ACOX1: variants seen among roughly 807,000 people sequenced by gnomAD.
ACOX1 encodes the protein peroxisomal acyl-coenzyme A oxidase 1.
In ACOX1, 41 loss-of-function variants were observed where a neutral mutation model predicts 75.5. The observed-to-expected ratio is 0.54, with a 90% confidence interval of 0.42 to 0.70. ACOX1 has a LOEUF of 0.70. Among genes scored for constraint, ACOX1 ranks in the 30% least tolerant of loss-of-function variants. ACOX1 has a pLI of 0.00. For synonymous variants in ACOX1, 303 were observed against 298.8 expected, an observed-to-expected ratio of 1.01 and a Z score of -0.15; for missense variants, 630 against 837.5, an observed-to-expected ratio of 0.75 and a Z score of 3.06.
intron 2 of ACOX1, among the ~76,000 whole-genome samples, chr17:75,974,956 G>A (rs1293440816): frequency 2.0e-5 from 3 of 150,066 alleles, no homozygotes; most frequent in Non-Finnish European, 4.4e-5. Context: ...AGGCTGAGGC[G>A]GGAGAATGGC....
chr17:75,960,775 C>T lies in ACOX1; in HGVS notation c.270-400G>A, dbSNP rs1055347262. On this transcript the variant is annotated intron_variant, in intron 2 of 13. Transcript: ENST00000293217. This position sits in a 1 kb window ranked among gnomAD's most constrained non-coding sequence, Gnocchi z 4.4. ...GTCAGATCACCTTAAGTCAGGAGTTCGAGACCAGCCTGGCCAACATGGCAA... is the reference window on the plus strand; with the variant it reads ...GTCAGATCACCTTAAGTCAGGAGTTTGAGACCAGCCTGGCCAACATGGCAA... Among the ~76,000 whole-genome samples, 3 of 152,162 alleles carry T rather than the reference C, an allele frequency of 2.0e-5. No individual in the cohort carries two copies. Among genetic ancestry groups the T allele is most frequent in the Non-Finnish European group, 4.4e-5 (3 of 68,028 alleles).
At chr17:75,977,059 G>T (rs1424679690) in intron 2 of ACOX1, among the ~76,000 whole-genome samples, 2 of 143,220 alleles carry the variant, frequency 1.4e-5, no homozygotes, top group South Asian at 2.3e-4. Context: ...GTGCAGTGGC[G>T]TGATCTCGGC....
Position 75,967,671 on chromosome 17 carries a change from C to CGT in ACOX1, c.270-7297_270-7296insAC, listed in dbSNP as rs375436699. Among the ~76,000 whole-genome samples the CGT allele has an allele frequency of 4.4e-5, 4 of 90,854 alleles. 1 individual carries two copies. The highest frequency in any genetic ancestry group is 2.6e-4 in the East Asian group (1 of 3,784). The allele number at this position is 90,854 out of a possible 152,430, so 59.6% of individuals were successfully genotyped here. On this transcript the variant is annotated intron_variant, in intron 2 of 13. Transcript: ENST00000293217. ...GTATATATATACATACATATATATA[C>CGT]ATATATATACGTATATATATACATA...
rs769818003 is a variant in ACOX1, at chr17:75,957,426, A to G, written c.538+33T>C. 5.1e-6 allele frequency: 8 copies of G among 1,559,814 alleles called. No homozygotes were observed. In the East Asian group the frequency reaches 1.8e-4, roughly 35 times the overall value. On this transcript the variant is annotated intron_variant, in intron 4 of 13. Coordinates refer to ENST00000293217, the MANE Select transcript of ACOX1 (RefSeq NM_004035.7). ...AGCAAAATCTCATGACAAACCTTCA[A>G]AACATCCAATAAATGCTGAAAAATT...
intron 4 of ACOX1, among the ~76,000 whole-genome samples, chr17:75,957,073 C>A (rs2065840491): frequency 6.7e-6 from 1 of 150,124 alleles, no homozygotes; most frequent in Non-Finnish European, 1.5e-5. Context: ...ACACACCACA[C>A]ACACATATAT....
rs1216921199 is a variant in ACOX1, at chr17:75,976,011, G to A, written c.269+2523C>T. ...TATTTCACAATTAATAGCATGTCAC[G>A]GTTAACTGGCAGCATTCTTTCTTTC... On this transcript the variant is annotated intron_variant, in intron 2 of 13. Transcript: ENST00000293217. Among the ~76,000 whole-genome samples the A allele has an allele frequency of 2.6e-5, 4 of 152,088 alleles. No homozygotes were observed. The South Asian group carries it at 6.2e-4, about 24-fold the overall frequency.
In ACOX1 at chr17:75,960,349, G is replaced by A; in HGVS notation, c.296C>T (p.Pro99Leu). The A allele has an allele frequency of 6.2e-7, 1 of 1,614,124 alleles. No individual in the cohort carries two copies. The highest frequency in any genetic ancestry group is 1.1e-5 in the South Asian group (1 of 91,086). ...KNFVHRGRPE[P>L]LDLHLGMFLP... is the part of the protein sequence containing the mutation. ...GAACATGCCCAAGTGAAGATCCAGAGGCTCAGGCCGCCCTCGGTGCACAAA... is the reference window on the plus strand; with the variant it reads ...GAACATGCCCAAGTGAAGATCCAGAAGCTCAGGCCGCCCTCGGTGCACAAA... Residue 99 changes from proline (P) to leucine (L), a missense_variant, in exon 3 of 14, where the codon CCT (proline) becomes CTT (leucine). By Grantham distance (98) the Pro-to-Leu change is moderately conservative. Around this residue, in one of 2 missense-constraint regions of ACOX1, gnomAD observed 390 missense variants for 574.9 expected, o/e 0.68. Coordinates refer to ENST00000293217, the MANE Select transcript of ACOX1 (RefSeq NM_004035.7). This position sits in a 1 kb window ranked among gnomAD's most constrained non-coding sequence, Gnocchi z 4.4.
At position 75,950,926 on chromosome 17, in the gene ACOX1, G is replaced by A. The variant is rs1371468538; in HGVS notation, c.1146C>T (p.Ser382=). Residue 382 remains serine (S), a synonymous_variant, in exon 9 of 14, where the codon TCC becomes TCT. Coordinates refer to ENST00000293217, the MANE Select transcript of ACOX1 (RefSeq NM_004035.7). The surrounding 1 kb of genome is among the most constrained non-coding windows in gnomAD (Gnocchi z 4.3). ...CTTCAATGCCAGTGTTTGCAGTCCA[G>A]GAGGTGAAAGCCTTCAGTCCAGCGG... ...ALTAGLKAFT[S]WTANTGIEAC... 1 of 1,614,162 alleles carries A rather than the reference G, an allele frequency of 6.2e-7. No individual in the cohort carries two copies. The highest frequency in any genetic ancestry group is 1.7e-5 in the Admixed American group (1 of 60,018).
intron 6 of ACOX1, among the ~76,000 whole-genome samples, chr17:75,955,133 T>TGCTGGAATTACAGGTGTGAGCC (rs2065812004): frequency 3.3e-5 from 5 of 151,864 alleles, no homozygotes; most frequent in African/African-American, 9.7e-5. Flanking sequence ...CTCCCAAAAG[T>TGCTGGAATTACAGGTGTGAGCC]GCTGGAATTA....
chr17:75,973,467 G>T (rs2066015526), intron 2 of ACOX1: 1 of 787,110 alleles, frequency 1.3e-6, no homozygotes, highest in Non-Finnish European at 2.2e-6. Context: ...CCAGTTTCCA[G>T]GGAAAATGTC....
chr17:75,943,241 A>T lies in ACOX1; in HGVS notation c.*3507T>A, dbSNP rs2065689858. The T allele has an allele frequency of 6.6e-6, 1 of 151,210 alleles. No individual in the cohort carries two copies. The highest frequency in any genetic ancestry group is 2.4e-5 in the African/African-American group (1 of 40,960). The allele number at this position is 151,210 out of a possible 1,614,324, so 9.4% of individuals were successfully genotyped here. A position where few individuals can be genotyped will look rare whatever the true frequency, so the allele number is the denominator to read the frequency against. ...CAAAAAAAAAAAAAAAAAAATTAAC[A>T]TGTTGGCCCAGTGCAGTAGCTCACT... On this transcript the variant is annotated 3_prime_UTR_variant, in exon 14 of 14. Transcript: ENST00000293217.
intron 2 of ACOX1, among the ~76,000 whole-genome samples, chr17:75,969,631 G>A (rs112524062): frequency 8.5e-5 from 13 of 152,198 alleles, no homozygotes; most frequent in African/African-American, 2.2e-4. Flanking sequence ...AACGGAGTGC[G>A]GTAAAGACTG....
chr17:75,949,939 CTTTT>C, intron 9 of ACOX1, 42 bp from the exon 10 acceptor site: 1 of 1,606,746 alleles, frequency 6.2e-7, no homozygotes, highest in Non-Finnish European at 8.5e-7. Context: ...ACTCTACTTT[CTTTT>C]GTTTCTTTTG....
chr17:75,951,484 T>A lies in ACOX1; in HGVS notation c.1038A>T (p.Ala346=), dbSNP rs940648153. The A allele has an allele frequency of 6.2e-7, 1 of 1,614,170 alleles. No homozygotes were observed. ...TCCGGTGATAGGTCTCCTTCATGTATGCGCCCACAAACTGGAAGGCATAGG... is the reference window on the plus strand; with the variant it reads ...TCCGGTGATAGGTCTCCTTCATGTAAGCGCCCACAAACTGGAAGGCATAGG... ...ATAYAFQFVG[A]YMKETYHRIN... is the part of the protein sequence containing the mutation. The change falls in exon 8 of 14, where the codon GCA becomes GCT. Residue 346 remains alanine (A), a synonymous_variant. Transcript: ENST00000293217.
At chr17:75,954,148 G>A (rs535727504) in intron 6 of ACOX1, among the ~76,000 whole-genome samples, 30 of 151,826 alleles carry the variant, frequency 2.0e-4, no homozygotes, top group African/African-American at 6.3e-4. Flanking sequence ...CCTGGGAGGC[G>A]GAGGTTTCAG....
chr17:75,949,564 T>C lies in ACOX1; in HGVS notation c.1515A>G (p.Glu505=). 6.2e-7 allele frequency: 1 copy of C among 1,614,194 alleles called. No homozygotes were observed. Among genetic ancestry groups the C allele is most frequent in the Non-Finnish European group, 8.5e-7 (1 of 1,180,034 alleles). Residue 505 remains glutamate (E), a synonymous_variant, in exon 11 of 14, where the codon GAA becomes GAG. Coordinates refer to ENST00000293217, the MANE Select transcript of ACOX1 (RefSeq NM_004035.7). ...VEIAAKNLQK[E]VIHRKSKEVA... ...CCTCCTTGCTTTTTCTGTGAATCACTTCTTTTTGAAGGTTTTTTGCAGCAA... is the reference window on the plus strand; with the variant it reads ...CCTCCTTGCTTTTTCTGTGAATCACCTCTTTTTGAAGGTTTTTTGCAGCAA...
intron 2 of ACOX1, among the ~76,000 whole-genome samples, chr17:75,961,697 T>C (rs901251973): frequency 3.4e-5 from 5 of 147,860 alleles, no homozygotes; most frequent in Non-Finnish European, 6.0e-5. Flanking sequence ...GAGGCGGTGG[T>C]TGCAGTGAGC....
At chr17:75,964,983 T>A (rs2065917275) in intron 2 of ACOX1, among the ~76,000 whole-genome samples, 1 of 151,966 alleles carries the variant, frequency 6.6e-6, no homozygotes, top group Non-Finnish European at 1.5e-5. Flanking sequence ...AGGAAATCAA[T>A]AATGTCAACA....
At chr17:75,977,099 G>C (rs1257999751) in intron 2 of ACOX1, among the ~76,000 whole-genome samples, 1 of 143,492 alleles carries the variant, frequency 7.0e-6, no homozygotes, top group Non-Finnish European at 1.5e-5. Flanking sequence ...CCAGGTTCAA[G>C]GGATTCTCCT....
Sources: allele counts gnomAD v4.1 joint callset (sites outside exome capture counted in the v4.1 genomes callset), GRCh38; gene constraint gnomAD v4.1.1; regional missense constraint gnomAD v4.1.1; non-coding constraint Gnocchi (gnomAD v3.1); transcripts MANE v1.5; gene names NCBI Gene and HGNC (gene_info 2026-07-23, HGNC 2026-07-21).